ABTB2: variants seen among roughly 807,000 people sequenced by gnomAD.
The protein encoded by ABTB2 is ankyrin repeat and BTB domain containing 2, also known as ankyrin repeat and BTB/POZ domain-containing protein 2.
ABTB2 carries 56 observed loss-of-function variants against 104.1 expected under a neutral mutation model. The ratio of observed to expected loss-of-function variants is 0.54; its 90% CI spans 0.43 to 0.67. The LOEUF (loss-of-function observed/expected upper bound fraction) is 0.67, where lower values mean the gene tolerates loss of function less well. Ranked by LOEUF, ABTB2 falls within the 30% of genes least tolerant of loss-of-function variation. The pLI is 0.00. For synonymous variants in ABTB2, 606 were observed against 608.2 expected, an observed-to-expected ratio of 1.00 and a Z score of 0.05; for missense variants, 1,279 against 1,407.7, an observed-to-expected ratio of 0.91 and a Z score of 1.46.
intron 3 of ABTB2, among the ~76,000 whole-genome samples, chr11:34,183,925 A>C (rs1853060649): frequency 6.6e-6 from 1 of 152,054 alleles, no homozygotes; most frequent in Non-Finnish European, 1.5e-5. Context: ...ACAAACAAAA[A>C]ACAAAAAACG....
rs1854302277 is a variant in ABTB2 at position 34,270,565 on chromosome 11, C to G, written c.884-65875G>C. On this transcript the variant is annotated intron_variant, in intron 1 of 16. Transcript: ENST00000435224. Reference sequence around the variant, plus strand: ...ATGTTGGCCAGGCTGTTCTGGAACTCCTGACCTCAGGTGATCCGCCCGCCT... The same window carrying G: ...ATGTTGGCCAGGCTGTTCTGGAACTGCTGACCTCAGGTGATCCGCCCGCCT... Among the ~76,000 whole-genome samples the G allele has an allele frequency of 2.0e-5, 3 of 152,162 alleles. No individual in the cohort carries two copies. In the South Asian group the frequency reaches 6.2e-4, roughly 31 times the overall value.
intron 1 of ABTB2, among the ~76,000 whole-genome samples, chr11:34,282,410 A>G (rs1011325667): frequency 1.3e-5 from 2 of 152,240 alleles, no homozygotes; most frequent in Admixed American, 6.5e-5. Flanking sequence ...AGGTTTTAAA[A>G]TAGTATTAAA....
chr11:34,157,629 T>C (rs1346495650), intron 14 of ABTB2, among the ~76,000 whole-genome samples: 1 of 152,060 alleles, frequency 6.6e-6, no homozygotes, highest in African/African-American at 2.4e-5. Context: ...CTCCAGTGAG[T>C]TGGATTAAGG....
intron 3 of ABTB2, among the ~76,000 whole-genome samples, chr11:34,194,058 G>A (rs567398223): frequency 4.5e-4 from 68 of 152,310 alleles, no homozygotes; most frequent in Non-Finnish European, 6.8e-4. Flanking sequence ...ATGAACACAC[G>A]TCCCTTCCCT....
rs114840952 is a variant in ABTB2, at chr11:34,223,861, G to A, written c.884-19171C>T. On this transcript the variant is annotated intron_variant, in intron 1 of 16. Transcript: ENST00000435224. ...TTCTCCTTATTTCTGTCTTTTTGCA[G>A]CTTCCACTCTCTGGTACTGTGTCTA... is the stretch of plus-strand genomic sequence containing the variant. Among the ~76,000 whole-genome samples the A allele has an allele frequency of 6.7e-3, 1,014 of 152,222 alleles. 13 individuals carry two copies. Among genetic ancestry groups the A allele is most frequent in the African/African-American group, 0.023 (937 of 41,530 alleles).
chr11:34,167,880 G>A lies in ABTB2; in HGVS notation c.1653+23C>T, dbSNP rs562002607. The A allele has an allele frequency of 1.6e-5, 25 of 1,612,652 alleles. No homozygotes were observed. The East Asian group carries it at 3.1e-4, about 20-fold the overall frequency. ...ATCCCTGCTGGCCTAGGGCCTGGGTGCAGCTCTGTGGGGCTTCCTCACCTG... is the reference window on the plus strand; with the variant it reads ...ATCCCTGCTGGCCTAGGGCCTGGGTACAGCTCTGTGGGGCTTCCTCACCTG... On this transcript the variant is annotated intron_variant, in intron 6 of 16. Coordinates refer to ENST00000435224, the MANE Select transcript of ABTB2 (RefSeq NM_145804.3).
At chr11:34,173,385 G>A (rs1852913370) in intron 3 of ABTB2, 78 bp from the exon 4 acceptor site, 4 of 1,463,472 alleles carry the variant, frequency 2.7e-6, no homozygotes, top group African/African-American at 2.8e-5. Flanking sequence ...GGCCTGGGAG[G>A]GTGCTTCTTG....
At chr11:34,246,532 T>C (rs10836166) in intron 1 of ABTB2, among the ~76,000 whole-genome samples, 90,637 of 144,310 alleles carry the variant, frequency 0.63, 28,072 homozygotes, top group African/African-American at 0.71. Context: ...ACCCAGGAGG[T>C]GGAGGTTGCA....
In ABTB2 at chr11:34,217,976, T is replaced by A. The variant is rs142364048; in HGVS notation, c.884-13286A>T. Among the ~76,000 whole-genome samples the A allele has an allele frequency of 2.5e-4, 38 of 152,348 alleles. No homozygotes were observed. In the East Asian group the frequency reaches 6.7e-3, roughly 27 times the overall value. On this transcript the variant is annotated intron_variant, in intron 1 of 16. Transcript: ENST00000435224. ...TCAGTGTTCTGGATTCTGGCCACTC[T>A]AAGAGGTGTGCAGTGGTATGTCCTA...
At chr11:34,250,392 T>C (rs1854041219) in intron 1 of ABTB2, among the ~76,000 whole-genome samples, 1 of 152,212 alleles carries the variant, frequency 6.6e-6, no homozygotes, top group Non-Finnish European at 1.5e-5. Context: ...GTAGTGCATA[T>C]GCAATAAATA....
chr11:34,348,898 C>T (rs1176332749), intron 1 of ABTB2, among the ~76,000 whole-genome samples: 1 of 152,144 alleles, frequency 6.6e-6, no homozygotes, highest in Non-Finnish European at 1.5e-5. Flanking sequence ...AGATTCTAAA[C>T]ACTTCTAAAC....
intron 1 of ABTB2, among the ~76,000 whole-genome samples, chr11:34,332,162 G>C (rs1223194896): frequency 6.6e-6 from 1 of 152,080 alleles, no homozygotes; most frequent in Admixed American, 6.6e-5. Context: ...GTAACTTTTC[G>C]CCTCTATTCT....
intron 1 of ABTB2, among the ~76,000 whole-genome samples, chr11:34,213,202 G>A (rs1853504343): frequency 6.6e-6 from 1 of 152,230 alleles, no homozygotes; most frequent in Non-Finnish European, 1.5e-5. Context: ...CCCTGACCAG[G>A]CGCAGTGGCT....
At chr11:34,308,868 C>CAAAAAAAAAAA (rs57658114) in intron 1 of ABTB2, among the ~76,000 whole-genome samples, 28 of 77,728 alleles carry the variant, frequency 3.6e-4, no homozygotes, top group African/African-American at 7.0e-4. Context: ...GAAACTGTCT[C>CAAAAAAAAAAA]AAAAAAAAAA....
chr11:34,329,216 T>C (rs1235872966), intron 1 of ABTB2, among the ~76,000 whole-genome samples: 2 of 152,200 alleles, frequency 1.3e-5, no homozygotes, highest in Non-Finnish European at 2.9e-5. Flanking sequence ...AAATAATTGC[T>C]CTAACAGCAG....
intron 1 of ABTB2, among the ~76,000 whole-genome samples, chr11:34,299,814 C>T (rs530435309): frequency 3.9e-5 from 6 of 152,304 alleles, no homozygotes; most frequent in African/African-American, 4.8e-5. Context: ...GCGGGTGAGC[C>T]GGAAAGGAGC....
intron 1 of ABTB2, among the ~76,000 whole-genome samples, chr11:34,342,291 C>A (rs374906327): frequency 6.6e-6 from 1 of 152,234 alleles, no homozygotes; most frequent in Non-Finnish European, 1.5e-5. Flanking sequence ...TGGCTGGCCA[C>A]CCTACTGGGC....
At chr11:34,180,580 C>A (rs569891338) in intron 3 of ABTB2, among the ~76,000 whole-genome samples, 1 of 152,188 alleles carries the variant, frequency 6.6e-6, no homozygotes, top group Non-Finnish European at 1.5e-5. Flanking sequence ...TAAAGGGCAG[C>A]ACATGAAATA....
chr11:34,349,355 G>C (rs1327038505), intron 1 of ABTB2, among the ~76,000 whole-genome samples: 1 of 152,130 alleles, frequency 6.6e-6, no homozygotes, highest in Non-Finnish European at 1.5e-5. Flanking sequence ...ACTTGTTGTT[G>C]GGGGTAATCG....
Sources: allele counts gnomAD v4.1 joint callset (sites outside exome capture counted in the v4.1 genomes callset), GRCh38; gene constraint gnomAD v4.1.1; transcripts MANE v1.5; gene names NCBI Gene and HGNC (gene_info 2026-07-23, HGNC 2026-07-21).